The following POLN variants were observed in gnomAD, a reference collection of about 807,000 sequenced individuals.
POLN encodes DNA polymerase N.
A neutral mutation model predicts 113.5 loss-of-function variants in POLN; 108 were observed. The ratio of observed to expected loss-of-function variants is 0.95; its 90% CI spans 0.81 to 1.12. The LOEUF (loss-of-function observed/expected upper bound fraction) is 1.12. Among genes scored for constraint, POLN ranks in the 50% most tolerant of loss-of-function variants. POLN has a pLI of 0.00. For missense variants in POLN, 1,097 were observed against 1,077.1 expected (o/e 1.02, Z -0.26); for synonymous variants, 386 against 391.5 (o/e 0.99, Z 0.17).
intron 7 of POLN, among the ~76,000 whole-genome samples, chr4:2,183,778 C>T (rs1733202317): frequency 6.6e-6 from 1 of 152,026 alleles, no homozygotes; most frequent in Non-Finnish European, 1.5e-5. Flanking sequence ...TTGAAAAACC[C>T]CTGAATTGTA....
intron 3 of POLN, among the ~76,000 whole-genome samples, chr4:2,215,999 G>A (rs988228387): frequency 8.5e-5 from 13 of 152,162 alleles, no homozygotes; most frequent in African/African-American, 3.1e-4. Flanking sequence ...GCCCTTCTCT[G>A]GCCATAGCCC....
At chr4:2,116,245 C>G (rs1430076621) in intron 19 of POLN, among the ~76,000 whole-genome samples, 1 of 152,202 alleles carries the variant, frequency 6.6e-6, no homozygotes, top group Non-Finnish European at 1.5e-5. Context: ...CTTTAGAATT[C>G]TAATCTGTCA....
At chr4:2,190,939 C>T (rs10002609) in intron 7 of POLN, among the ~76,000 whole-genome samples, 37,363 of 151,884 alleles carry the variant, frequency 0.25, 7,076 homozygotes, top group African/African-American at 0.51. Flanking sequence ...TAAATTAGTA[C>T]AGCCACTATG....
At chr4:2,075,391 G>A in intron 24 of POLN, 61 bp downstream of exon 24, 2 of 1,557,026 alleles carry the variant, frequency 1.3e-6, no homozygotes, top group South Asian at 2.2e-5. Context: ...TGCCCATGGG[G>A]CATGGAGCCT....
At chr4:2,176,940 T>C (rs1485339425) in intron 8 of POLN, among the ~76,000 whole-genome samples, 4 of 151,782 alleles carry the variant, frequency 2.6e-5, no homozygotes, top group Non-Finnish European at 5.9e-5. Flanking sequence ...GCCAAACAAA[T>C]CCCCCACCTC....
At chr4:2,237,519 G>A (rs1039178428) in intron 2 of POLN, among the ~76,000 whole-genome samples, 4 of 151,854 alleles carry the variant, frequency 2.6e-5, no homozygotes, top group African/African-American at 9.7e-5. Flanking sequence ...AGGAAGGAAA[G>A]GAAGGAGGGA....
In POLN at chr4:2,159,185, T is replaced by C; in HGVS notation, c.1581A>G (p.Pro527=). ...AVLNALRDLH[P]LPKIILEYRQ... is the part of the protein sequence containing the mutation. ...TGTATTCCAAAATTATCTTGGGTAATGGATGAAGGTCTCGCAGAGCATTTA... is the reference window on the plus strand; with the variant it reads ...TGTATTCCAAAATTATCTTGGGTAACGGATGAAGGTCTCGCAGAGCATTTA... Residue 527 remains proline, a synonymous_variant, in exon 14 of 26, where the codon CCA becomes CCG. Coordinates refer to ENST00000511885, the MANE Select transcript of POLN (RefSeq NM_181808.4). 2 of 1,608,926 alleles carry C rather than the reference T, an allele frequency of 1.2e-6. No homozygotes were observed. Among genetic ancestry groups the C allele is most frequent in the Non-Finnish European group, 1.7e-6 (2 of 1,176,198 alleles).
chr4:2,239,155 A>T (rs1441074834), intron 2 of POLN: 1 of 544,526 alleles, frequency 1.8e-6, no homozygotes. Flanking sequence ...CAATGAATGA[A>T]AACTAATTTA....
At chr4:2,141,177 AC>A (rs1470454017) in intron 16 of POLN, 1 of 152,180 alleles carries the variant, frequency 6.6e-6, no homozygotes, top group Non-Finnish European at 1.5e-5. Context: ...GCTGAGACAT[AC>A]CCTTAATTGT....
At chr4:2,101,239 A>G (rs1026672288) in intron 19 of POLN, among the ~76,000 whole-genome samples, 3 of 152,260 alleles carry the variant, frequency 2.0e-5, no homozygotes, top group Non-Finnish European at 4.4e-5. Context: ...AAACACAAAC[A>G]ATACAAACCA....
At chr4:2,075,345 T>G in intron 24 of POLN, 107 bp downstream of exon 24, 8 of 1,210,802 alleles carry the variant, frequency 6.6e-6, no homozygotes, top group Non-Finnish European at 7.0e-6. Context: ...GCAGGGGCCA[T>G]AAAAGGGAAG....
intron 4 of POLN, among the ~76,000 whole-genome samples, chr4:2,211,115 G>A (rs1733982270): frequency 6.7e-6 from 1 of 148,246 alleles, no homozygotes; most frequent in South Asian, 2.1e-4. Context: ...GCTGGGTGTG[G>A]TGGTGGGCAC....
At chr4:2,177,656 A>C (rs1464028184) in intron 8 of POLN, among the ~76,000 whole-genome samples, 20 of 152,228 alleles carry the variant, frequency 1.3e-4, no homozygotes. Flanking sequence ...TCTATACCTC[A>C]GTTTTCTCAT....
intron 7 of POLN, among the ~76,000 whole-genome samples, chr4:2,185,991 C>T (rs1733264210): frequency 6.6e-6 from 1 of 152,116 alleles, no homozygotes; most frequent in Non-Finnish European, 1.5e-5. Context: ...CAATATACAG[C>T]ACCAAGATTA....
At chr4:2,081,604 C>T in intron 22 of POLN, 29 bp downstream of exon 22, 1 of 1,608,706 alleles carries the variant, frequency 6.2e-7, no homozygotes, top group Non-Finnish European at 8.5e-7. Flanking sequence ...CAAATGGACA[C>T]AGAACTACAG....
At chr4:2,160,306 T>C (rs2108741858) in intron 13 of POLN, among the ~76,000 whole-genome samples, 1 of 152,376 alleles carries the variant, frequency 6.6e-6, no homozygotes, top group East Asian at 1.9e-4. Context: ...GATTTGTGTG[T>C]CTTTTTCTCC....
At chr4:2,189,048 TTTGTAA>T (rs1170174670) in intron 7 of POLN, among the ~76,000 whole-genome samples, 1 of 152,190 alleles carries the variant, frequency 6.6e-6, no homozygotes, top group African/African-American at 2.4e-5. Context: ...ATTACTGGTT[TTTGTAA>T]CCACAAAGCA....
At chr4:2,195,433 C>A (rs931743635) in intron 6 of POLN, among the ~76,000 whole-genome samples, 5 of 146,752 alleles carry the variant, frequency 3.4e-5, no homozygotes, top group East Asian at 2.0e-4. Flanking sequence ...ACAGGGTGGT[C>A]AAGGAAGGTC....
chr4:2,094,335 C>T (rs1253782688), intron 20 of POLN, among the ~76,000 whole-genome samples: 2 of 123,610 alleles, frequency 1.6e-5, no homozygotes, highest in Admixed American at 1.1e-4. Flanking sequence ...TGCATTCCAG[C>T]CTGGGGGATA....
Sources: allele counts gnomAD v4.1 joint callset (sites outside exome capture counted in the v4.1 genomes callset), GRCh38; gene constraint gnomAD v4.1.1; transcripts MANE v1.5; gene names NCBI Gene and HGNC (gene_info 2026-07-23, HGNC 2026-07-21).